Variants in AFAP1 observed in about 807,000 individuals in gnomAD.
The protein encoded by AFAP1 is actin filament-associated protein 1.
In AFAP1, 75 loss-of-function variants were observed where a neutral mutation model predicts 93.9. That is an observed-to-expected ratio of 0.80 (90% CI 0.66 to 0.97). The LOEUF is 0.97. Among genes scored for constraint, AFAP1 ranks in the 50% least tolerant of loss-of-function variants. The pLI, the probability that AFAP1 is intolerant of heterozygous loss-of-function variation, is 0.00. For missense variants in AFAP1, 1,201 were observed against 1,050.8 expected, an observed-to-expected ratio of 1.14 and a Z score of -1.98; for synonymous variants, 517 against 430.7, an observed-to-expected ratio of 1.20 and a Z score of -2.48.
In AFAP1 at chr4:7,760,288, A is replaced by AAGAT. The variant is rs1337438093; in HGVS notation, c.*3473_*3476dup. 2.0e-5 allele frequency: 3 copies of AAGAT among 152,262 alleles called. No homozygotes were observed. Among genetic ancestry groups the AAGAT allele is most frequent in the Admixed American group, 1.3e-4 (2 of 15,290 alleles). 9.4% of individuals were successfully genotyped at this position (152,262 alleles called of 1,614,324 possible). A position where few individuals can be genotyped will look rare whatever the true frequency, so the allele number is the denominator to read the frequency against. ...GGCCAGTAATAATTCTGGGATGAGTAAGATACAGGGGAAGGTTAAGCCTGG... is the reference window on the plus strand; with the variant it reads ...GGCCAGTAATAATTCTGGGATGAGTAAGATAGATACAGGGGAAGGTTAAGCCTGG... On this transcript the variant is annotated 3_prime_UTR_variant, in exon 18 of 18. Coordinates refer to ENST00000420658, the MANE Select transcript of AFAP1 (RefSeq NM_001134647.2).
intron 1 of AFAP1, among the ~76,000 whole-genome samples, chr4:7,883,133 C>T (rs1189594839): frequency 7.0e-6 from 1 of 142,984 alleles, no homozygotes; most frequent in African/African-American, 2.6e-5. Flanking sequence ...TTACGGTGAG[C>T]CATAAGCGCA....
intron 3 of AFAP1, among the ~76,000 whole-genome samples, chr4:7,860,826 C>G (rs1202504016): frequency 6.6e-6 from 1 of 152,166 alleles, no homozygotes; most frequent in Non-Finnish European, 1.5e-5. Context: ...CCATATCACA[C>G]AGCACAAGCA....
chr4:7,927,333 A>G (rs1226522056), intron 1 of AFAP1, among the ~76,000 whole-genome samples: 3 of 152,082 alleles, frequency 2.0e-5, no homozygotes, highest in East Asian at 1.9e-4. Context: ...CCTCAATTCC[A>G]ACAGCACTGG....
chr4:7,892,013 C>T (rs1718500638), intron 1 of AFAP1, among the ~76,000 whole-genome samples: 1 of 151,988 alleles, frequency 6.6e-6, no homozygotes, highest in African/African-American at 2.4e-5. Context: ...AAGAAGGTGC[C>T]ATTGCACTCC....
chr4:7,882,054 C>T (rs923704234), intron 1 of AFAP1, among the ~76,000 whole-genome samples: 4 of 152,112 alleles, frequency 2.6e-5, no homozygotes, highest in Non-Finnish European at 5.9e-5. Flanking sequence ...CTTTAAGACA[C>T]GGGATCCATG....
intron 17 of AFAP1, among the ~76,000 whole-genome samples, chr4:7,766,635 G>A (rs539920389): frequency 6.7e-6 from 1 of 148,196 alleles, no homozygotes. Context: ...TGTCACGAGA[G>A]GGTAACAGAA....
At chr4:7,766,167 CCT>C (rs1714539505) in intron 17 of AFAP1, among the ~76,000 whole-genome samples, 1 of 152,256 alleles carries the variant, frequency 6.6e-6, no homozygotes, top group Admixed American at 6.5e-5. Flanking sequence ...ATGCTGAGGC[CCT>C]CTCAGACTCG....
At position 7,774,746 on chromosome 4, in the gene AFAP1, C is replaced by T. The variant is rs1490629003; in HGVS notation, c.2055G>A (p.Val685=). 1 of 1,614,120 alleles carries T rather than the reference C, an allele frequency of 6.2e-7. No homozygotes were observed. Among genetic ancestry groups the T allele is most frequent in the Non-Finnish European group, 8.5e-7 (1 of 1,180,004 alleles). ...ERKDLRAAIE[V]NAGRKPQAIL... is the part of the protein sequence containing the mutation. ...CACCCACACCCTTCATACCGGCGTT[C>T]ACTTCAATAGCCGCTCGAAGGTCTT... The change falls in exon 15 of 18, where the codon GTG becomes GTA. Residue 685 remains valine, a synonymous_variant. Coordinates refer to ENST00000420658, the MANE Select transcript of AFAP1 (RefSeq NM_001134647.2).
chr4:7,825,098 G>A lies in AFAP1; in HGVS notation c.727-5927C>T, dbSNP rs566155861. On this transcript the variant is annotated intron_variant, in intron 6 of 17. Coordinates refer to ENST00000420658, the MANE Select transcript of AFAP1 (RefSeq NM_001134647.2). ...AAATATTATCATTCATATTTTCACT[G>A]TTTATTATAGTTCTAAGAATGCATT... 6.6e-5 allele frequency among the ~76,000 whole-genome samples: 10 copies of A among 152,224 alleles called. No individual in the cohort carries two copies. In the East Asian group the frequency reaches 1.5e-3, roughly 24 times the overall value.
intron 1 of AFAP1, among the ~76,000 whole-genome samples, chr4:7,938,112 T>G (rs1231323462): frequency 6.6e-6 from 1 of 152,148 alleles, no homozygotes; most frequent in African/African-American, 2.4e-5. Flanking sequence ...GGGAGCCACC[T>G]CAACAGAGTC....
chr4:7,914,051 A>T (rs1359171960), intron 1 of AFAP1, among the ~76,000 whole-genome samples: 3 of 151,044 alleles, frequency 2.0e-5, no homozygotes, highest in Non-Finnish European at 4.4e-5. Flanking sequence ...ATCTGGAACT[A>T]TATATTCTTT....
intron 1 of AFAP1, among the ~76,000 whole-genome samples, chr4:7,919,693 G>C (rs187222956): frequency 6.6e-6 from 1 of 152,068 alleles, no homozygotes; most frequent in East Asian, 1.9e-4. Flanking sequence ...TTGTTACATA[G>C]GTAAATGTGT....
intron 14 of AFAP1, chr4:7,775,665 T>C (rs553870645): frequency 9.2e-5 from 14 of 152,256 alleles, no homozygotes; most frequent in African/African-American, 2.9e-4. Flanking sequence ...CCAGGAGCGG[T>C]ATCTGGAGCC....
chr4:7,857,628 C>G (rs914654029), intron 3 of AFAP1, among the ~76,000 whole-genome samples: 1 of 152,198 alleles, frequency 6.6e-6, no homozygotes, highest in African/African-American at 2.4e-5. Flanking sequence ...AAGGTCTGTA[C>G]AGGAGTCCAC....
At chr4:7,896,867 C>T (rs1332150930) in intron 1 of AFAP1, among the ~76,000 whole-genome samples, 1 of 151,686 alleles carries the variant, frequency 6.6e-6, no homozygotes. Context: ...CCACCCCAGC[C>T]CCCAACCGCC....
At chr4:7,841,928 G>T (rs1052602990) in intron 5 of AFAP1, among the ~76,000 whole-genome samples, 2 of 151,962 alleles carry the variant, frequency 1.3e-5, no homozygotes, top group Non-Finnish European at 2.9e-5. Flanking sequence ...AGGGACCAGG[G>T]ACTCAGAACC....
At chr4:7,822,607 CAG>C (rs1364711821) in intron 6 of AFAP1, among the ~76,000 whole-genome samples, 15 of 127,004 alleles carry the variant, frequency 1.2e-4, no homozygotes, top group African/African-American at 4.5e-4. Flanking sequence ...TTTTTTGAGA[CAG>C]AGTCTCGCTC....
At chr4:7,815,098 C>A (rs1460742835) in intron 8 of AFAP1, among the ~76,000 whole-genome samples, 1 of 152,258 alleles carries the variant, frequency 6.6e-6, no homozygotes, top group Non-Finnish European at 1.5e-5. Flanking sequence ...AATTCTGACA[C>A]AGGCCACACC....
At chr4:7,885,595 C>T (rs1024745052) in intron 1 of AFAP1, among the ~76,000 whole-genome samples, 5 of 152,178 alleles carry the variant, frequency 3.3e-5, no homozygotes, top group African/African-American at 4.8e-5. Flanking sequence ...ATGTCAAGCA[C>T]GATGCCTGAT....
Sources: gnomAD v4.1 joint callset for allele counts (sites outside exome capture counted in the v4.1 genomes callset) on GRCh38, gnomAD v4.1.1 for gene constraint, MANE v1.5 for transcripts, NCBI Gene and HGNC (gene_info 2026-07-23, HGNC 2026-07-21) for gene names.